CTDSPL: variants seen among roughly 807,000 people sequenced by gnomAD.
CTDSPL encodes the protein CTD small phosphatase like, also known as CTD small phosphatase-like protein.
In CTDSPL, 8 loss-of-function variants were observed where a neutral mutation model predicts 30.5. That is an observed-to-expected ratio of 0.26 (90% CI 0.15 to 0.47). The LOEUF is 0.47. Among genes scored for constraint, CTDSPL ranks in the 20% least tolerant of loss-of-function variants. The probability of loss-of-function intolerance (pLI) is 0.99; values close to 1 mark genes in which losing one functional copy is unlikely to be tolerated. For synonymous variants in CTDSPL, 110 were observed against 137.9 expected, an observed-to-expected ratio of 0.80 and a Z score of 1.42; for missense variants, 248 against 366.1, an observed-to-expected ratio of 0.68 and a Z score of 2.63.
At chr3:37,909,976 G>A (rs1463022262) in intron 1 of CTDSPL, among the ~76,000 whole-genome samples, 1 of 152,218 alleles carries the variant, frequency 6.6e-6, no homozygotes, top group African/African-American at 2.4e-5. Flanking sequence ...GGGCCAGACT[G>A]CCTGAATTCA....
At chr3:37,904,442 A>C (rs932630556) in intron 1 of CTDSPL, among the ~76,000 whole-genome samples, 1 of 152,152 alleles carries the variant, frequency 6.6e-6, no homozygotes, top group Non-Finnish European at 1.5e-5. Flanking sequence ...TCACAGTGTG[A>C]AGAGCTGTAC....
intron 1 of CTDSPL, among the ~76,000 whole-genome samples, chr3:37,903,138 G>A (rs1226566036): frequency 2.6e-5 from 4 of 152,294 alleles, no homozygotes; most frequent in Non-Finnish European, 5.9e-5. Flanking sequence ...CCAAGGGTAA[G>A]GGCACAGTGG....
intron 2 of CTDSPL, among the ~76,000 whole-genome samples, chr3:37,952,215 G>A (rs2125624936): frequency 6.6e-6 from 1 of 151,752 alleles, no homozygotes; most frequent in South Asian, 2.1e-4. Flanking sequence ...AGGAATGAAA[G>A]GAGAGAGAGA....
intron 1 of CTDSPL, among the ~76,000 whole-genome samples, chr3:37,946,759 C>G (rs1699043645): frequency 6.6e-6 from 1 of 152,150 alleles, no homozygotes; most frequent in Admixed American, 6.5e-5. Flanking sequence ...CAGATGGGGA[C>G]TGACCCTGTG....
intron 5 of CTDSPL, among the ~76,000 whole-genome samples, chr3:37,971,139 A>G (rs2125633530): frequency 6.6e-6 from 1 of 152,326 alleles, no homozygotes; most frequent in Admixed American, 6.5e-5. Context: ...GGCCCTGAAT[A>G]TCCCCAAGAC....
chr3:37,875,646 A>G (rs775751300), intron 1 of CTDSPL, among the ~76,000 whole-genome samples: 1 of 152,236 alleles, frequency 6.6e-6, no homozygotes, highest in Non-Finnish European at 1.5e-5. Context: ...TGCTTAGCCT[A>G]TCACACATTT....
intron 3 of CTDSPL, among the ~76,000 whole-genome samples, chr3:37,958,176 C>T (rs1223387044): frequency 6.6e-6 from 1 of 152,198 alleles, no homozygotes; most frequent in African/African-American, 2.4e-5. Flanking sequence ...TTTGGTAGTA[C>T]ATGTCACTTA....
intron 1 of CTDSPL, among the ~76,000 whole-genome samples, chr3:37,895,751 AAAAATAATC>A (rs1200546659): frequency 6.6e-6 from 1 of 152,176 alleles, no homozygotes; most frequent in Non-Finnish European, 1.5e-5. Flanking sequence ...ATGGTAGAGG[AAAAATAATC>A]AAAACAGTAG....
At chr3:37,864,943 T>C (rs372346636) in intron 1 of CTDSPL, among the ~76,000 whole-genome samples, 30 of 152,288 alleles carry the variant, frequency 2.0e-4, no homozygotes, top group African/African-American at 7.2e-4. Context: ...ACCTGAGGGT[T>C]CAAAGAGATG....
At chr3:37,901,612 A>G (rs566481575) in intron 1 of CTDSPL, among the ~76,000 whole-genome samples, 4 of 152,308 alleles carry the variant, frequency 2.6e-5, no homozygotes, top group Admixed American at 1.3e-4. Flanking sequence ...ATGATATGTC[A>G]TGTGCTTTAC....
At chr3:37,871,954 A>G (rs1349291523) in intron 1 of CTDSPL, among the ~76,000 whole-genome samples, 1 of 151,822 alleles carries the variant, frequency 6.6e-6, no homozygotes, top group Non-Finnish European at 1.5e-5. Flanking sequence ...TTAGTTCTAA[A>G]TTTTCCATTT....
chr3:37,971,399 C>T lies in CTDSPL; in HGVS notation c.427-8C>T, dbSNP rs770442308. ...ATCTGACCAGCCTGCTGTCTCCTGC[C>T]ATTGCAGGTGTATGTGCTGAAGCGG... On this transcript the variant is annotated splice_region_variant and splice_polypyrimidine_tract_variant and intron_variant, in intron 5 of 7. Transcript: ENST00000273179. 1 of 1,613,066 alleles carries T rather than the reference C, an allele frequency of 6.2e-7. No individual in the cohort carries two copies. The highest frequency in any genetic ancestry group is 8.5e-7 in the Non-Finnish European group (1 of 1,179,464).
intron 1 of CTDSPL, among the ~76,000 whole-genome samples, chr3:37,871,958 T>C (rs1386518782): frequency 1.3e-5 from 2 of 152,212 alleles, no homozygotes; most frequent in African/African-American, 4.8e-5. Context: ...TTCTAAATTT[T>C]CCATTTGGTT....
intron 1 of CTDSPL, among the ~76,000 whole-genome samples, chr3:37,935,409 A>G (rs1316306960): frequency 6.6e-6 from 1 of 152,076 alleles, no homozygotes. Context: ...TAAGTGCATT[A>G]TCTGTTCACA....
At chr3:37,967,107 C>T (rs767257298) in intron 4 of CTDSPL, among the ~76,000 whole-genome samples, 3 of 152,102 alleles carry the variant, frequency 2.0e-5, no homozygotes, top group Admixed American at 1.3e-4. Flanking sequence ...TTCCTTGGAG[C>T]GGAGCAGGCA....
intron 1 of CTDSPL, among the ~76,000 whole-genome samples, chr3:37,943,688 G>A (rs1699004625): frequency 6.7e-6 from 1 of 150,090 alleles, no homozygotes; most frequent in Admixed American, 6.7e-5. Flanking sequence ...GGGCCACCAG[G>A]AGACCTCTCA....
chr3:37,878,418 A>G (rs995334781), intron 1 of CTDSPL, among the ~76,000 whole-genome samples: 1 of 152,234 alleles, frequency 6.6e-6, no homozygotes, highest in Non-Finnish European at 1.5e-5. Flanking sequence ...TTGTTTCTGC[A>G]TCATTTATTG....
chr3:37,935,467 C>G (rs747844277), intron 1 of CTDSPL, among the ~76,000 whole-genome samples: 11 of 152,184 alleles, frequency 7.2e-5, no homozygotes, highest in Non-Finnish European at 1.6e-4. Flanking sequence ...TAAACAGACT[C>G]TGTGCAGTGA....
At chr3:37,868,557 A>G (rs1698038099) in intron 1 of CTDSPL, among the ~76,000 whole-genome samples, 1 of 152,032 alleles carries the variant, frequency 6.6e-6, no homozygotes, top group Non-Finnish European at 1.5e-5. Context: ...ATTTAAGTTC[A>G]TGATCCATTC....
Sources: allele counts gnomAD v4.1 joint callset (sites outside exome capture counted in the v4.1 genomes callset), GRCh38; gene constraint gnomAD v4.1.1; transcripts MANE v1.5; gene names NCBI Gene and HGNC (gene_info 2026-07-23, HGNC 2026-07-21).